The following SEMA3D variants were observed in gnomAD, a reference collection of about 807,000 sequenced individuals.
The protein encoded by SEMA3D is semaphorin 3D.
SEMA3D carries 84 observed loss-of-function variants against 100.1 expected under a neutral mutation model. The observed-to-expected ratio is 0.84, with a 90% CI of 0.70 to 1.01. The LOEUF is 1.01. Among genes scored for constraint, SEMA3D ranks in the 50% least tolerant of loss-of-function variants. The pLI is 0.00. For synonymous variants in SEMA3D, 312 were observed against 320.7 expected, an observed-to-expected ratio of 0.97 and a Z score of 0.29; for missense variants, 875 against 934.1, an observed-to-expected ratio of 0.94 and a Z score of 0.82.
chr7:85,026,573 G>A (rs1471613762), intron 12 of SEMA3D, among the ~76,000 whole-genome samples: 1 of 152,058 alleles, frequency 6.6e-6, no homozygotes, highest in African/African-American at 2.4e-5. Flanking sequence ...CCTTTGGTAA[G>A]ACTATCATAG....
intron 5 of SEMA3D, among the ~76,000 whole-genome samples, chr7:85,074,622 CATAT>C (rs10610475): frequency 6.7e-6 from 1 of 148,836 alleles, no homozygotes; most frequent in Non-Finnish European, 1.5e-5. Flanking sequence ...TTTCAACTGG[CATAT>C]ATATATATAT....
At chr7:85,087,999 T>A (rs1040881322) in intron 4 of SEMA3D, among the ~76,000 whole-genome samples, 2 of 152,180 alleles carry the variant, frequency 1.3e-5, no homozygotes, top group South Asian at 4.1e-4. Context: ...TACTTTTTTA[T>A]GTAAATATAG....
At chr7:85,108,618 A>C (rs1320623450) in intron 3 of SEMA3D, among the ~76,000 whole-genome samples, 1 of 152,036 alleles carries the variant, frequency 6.6e-6, no homozygotes, top group Non-Finnish European at 1.5e-5. Flanking sequence ...CCTGGAGTAG[A>C]AAGGTTTAAA....
chr7:85,137,188 A>G (rs147765069), intron 2 of SEMA3D, among the ~76,000 whole-genome samples: 1 of 152,108 alleles, frequency 6.6e-6, no homozygotes, highest in Non-Finnish European at 1.5e-5. Flanking sequence ...TTCAGATATT[A>G]TAATTTATTT....
chr7:85,177,579 C>T (rs1583992432), intron 1 of SEMA3D, among the ~76,000 whole-genome samples: 2 of 152,118 alleles, frequency 1.3e-5, no homozygotes, highest in East Asian at 3.9e-4. Flanking sequence ...GTAAAAAATG[C>T]ACATATTTTT....
the SEMA3D span, among the ~76,000 whole-genome samples, chr7:85,229,842 C>T: frequency 3.9e-5 from 6 of 152,112 alleles, no homozygotes; most frequent in African/African-American, 1.4e-4. Context: ...CTTTGCCAGC[C>T]TTCTACTTAC....
At chr7:85,029,536 C>T (rs767931793) in intron 12 of SEMA3D, 5 of 580,858 alleles carry the variant, frequency 8.6e-6, no homozygotes, top group East Asian at 6.7e-5. Context: ...AGAATTTGAA[C>T]ATGCACAGCA....
chr7:85,187,496 G>C, upstream of SEMA3D, among the ~76,000 whole-genome samples: 1 of 152,188 alleles, frequency 6.6e-6, no homozygotes, highest in Non-Finnish European at 1.5e-5. Flanking sequence ...ATGAGGAACA[G>C]GGATCAACCC....
chr7:85,021,343 A>G (rs1340395522), intron 13 of SEMA3D, among the ~76,000 whole-genome samples: 1 of 151,816 alleles, frequency 6.6e-6, no homozygotes, highest in Non-Finnish European at 1.5e-5. Flanking sequence ...TTTTGGGTGG[A>G]CAGTACAAAT....
chr7:85,207,998 T>A, the SEMA3D span, among the ~76,000 whole-genome samples: 1 of 152,062 alleles, frequency 6.6e-6, no homozygotes, highest in Non-Finnish European at 1.5e-5. Flanking sequence ...AACATGTCTT[T>A]CAAAATTTTA....
At chr7:85,243,877 A>G in the SEMA3D span, among the ~76,000 whole-genome samples, 1 of 152,200 alleles carries the variant, frequency 6.6e-6, no homozygotes, top group South Asian at 2.1e-4. Context: ...CGTCCATACT[A>G]TCTCATATTG....
At chr7:85,214,687 G>T in the SEMA3D span, among the ~76,000 whole-genome samples, 2 of 151,942 alleles carry the variant, frequency 1.3e-5, no homozygotes, top group South Asian at 4.2e-4. Context: ...GTAGAGTTGG[G>T]GTTTCACCAT....
chr7:85,151,579 G>A (rs1005079111), intron 2 of SEMA3D: 41 of 907,142 alleles, frequency 4.5e-5, no homozygotes, highest in Non-Finnish European at 5.2e-5. Flanking sequence ...TAGTTGATGT[G>A]TGTATGCATG....
rs149146897 is a variant in SEMA3D, at chr7:85,033,432, G to C, written c.1191+3457C>G. On this transcript the variant is annotated intron_variant, in intron 12 of 18. Coordinates refer to ENST00000284136, the MANE Select transcript of SEMA3D (RefSeq NM_001384900.1). ...ATGACATTCACAGCTCTTTTAGGCA[G>C]CAGCAGGGAAGGCGGTGACAACCAC... is the stretch of plus-strand genomic sequence containing the variant. 1.8e-4 allele frequency among the ~76,000 whole-genome samples: 28 copies of C among 152,256 alleles called. No individual in the cohort carries two copies. The East Asian group carries it at 5.4e-3, about 29-fold the overall frequency.
At chr7:85,181,341 C>CAA (rs1562847437) in intron 1 of SEMA3D, among the ~76,000 whole-genome samples, 1 of 133,962 alleles carries the variant, frequency 7.5e-6, no homozygotes, top group Non-Finnish European at 1.6e-5. Flanking sequence ...CACACACACA[C>CAA]ACACACACAC....
chr7:85,158,643 T>C (rs1490991518), intron 1 of SEMA3D, among the ~76,000 whole-genome samples: 1 of 152,184 alleles, frequency 6.6e-6, no homozygotes, highest in Admixed American at 6.6e-5. Flanking sequence ...ACATGTGATC[T>C]CTGTGACTCA....
the SEMA3D span, among the ~76,000 whole-genome samples, chr7:85,242,945 G>A: frequency 1.4e-4 from 21 of 152,242 alleles, no homozygotes; most frequent in South Asian, 3.7e-3. Flanking sequence ...TGTGGTATAA[G>A]GCTTTAGTAA....
chr7:85,241,465 G>GTATA, the SEMA3D span, among the ~76,000 whole-genome samples: 13 of 57,690 alleles, frequency 2.3e-4, 1 homozygote, highest in South Asian at 5.2e-3. Flanking sequence ...AACTGTGTGT[G>GTATA]TGTATATATA....
At chr7:85,078,277 GA>G (rs1229363423) in intron 5 of SEMA3D, among the ~76,000 whole-genome samples, 2 of 148,286 alleles carry the variant, frequency 1.3e-5, no homozygotes, top group South Asian at 2.1e-4. Flanking sequence ...TTTCTTGAGA[GA>G]AAAAAAGGAA....
Sources: allele counts gnomAD v4.1 joint callset (sites outside exome capture counted in the v4.1 genomes callset), GRCh38; gene constraint gnomAD v4.1.1; transcripts MANE v1.5; gene names NCBI Gene and HGNC (gene_info 2026-07-23, HGNC 2026-07-21).